FGF12: variants seen among roughly 807,000 people sequenced by gnomAD.
The protein encoded by FGF12 is fibroblast growth factor 12B.
FGF12 carries 14 observed loss-of-function variants against 23.6 expected under a neutral mutation model. The observed-to-expected ratio is 0.59, with a 90% CI of 0.39 to 0.93. The LOEUF (loss-of-function observed/expected upper bound fraction) is 0.93. Among genes scored for constraint, FGF12 ranks in the 40% least tolerant of loss-of-function variants. The probability of loss-of-function intolerance (pLI) is 0.00; values close to 1 mark genes in which losing one functional copy is unlikely to be tolerated. For synonymous variants in FGF12, 62 were observed against 77.3 expected (o/e 0.80, Z 1.04); for missense variants, 175 against 217.8 (o/e 0.80, Z 1.24).
chr3:192,492,671 CTTAA>C (rs1247114150), intron 2 of FGF12, among the ~76,000 whole-genome samples: 1 of 152,086 alleles, frequency 6.6e-6, no homozygotes, highest in Non-Finnish European at 1.5e-5. Context: ...TAGGACAAAG[CTTAA>C]TTAATTTTTA....
In FGF12 at chr3:192,561,502, A is replaced by G. The variant is rs181972410; in HGVS notation, c.13+165679T>C. ...CTCAGCCTTCTGAGTAGCTGGGACT[A>G]CAGGCACCCGCCACCACGCCCAGCT... On this transcript the variant is annotated intron_variant, in intron 2 of 5. Coordinates refer to ENST00000445105, the MANE Select transcript of FGF12 (RefSeq NM_004113.6). Among the ~76,000 whole-genome samples, 433 of 152,172 alleles carry G rather than the reference A, an allele frequency of 2.8e-3. 2 individuals carry two copies. Among genetic ancestry groups the G allele is most frequent in the African/African-American group, 9.8e-3 (408 of 41,522 alleles).
chr3:192,455,977 G>T (rs1420601372), intron 2 of FGF12, among the ~76,000 whole-genome samples: 3 of 152,132 alleles, frequency 2.0e-5, no homozygotes, highest in Non-Finnish European at 2.9e-5. Context: ...CCTTGCAGAG[G>T]TGGTCCCCTA....
At chr3:192,415,713 C>A (rs1409586948) in intron 2 of FGF12, among the ~76,000 whole-genome samples, 1 of 139,516 alleles carries the variant, frequency 7.2e-6, no homozygotes, top group Non-Finnish European at 1.5e-5. Flanking sequence ...AGTTCTGATA[C>A]TTCTCTTCTC....
intron 2 of FGF12, among the ~76,000 whole-genome samples, chr3:192,438,019 T>G (rs573077237): frequency 6.6e-6 from 1 of 152,318 alleles, no homozygotes; most frequent in African/African-American, 2.4e-5. Flanking sequence ...GAATCCAACT[T>G]TTTTCCTCGA....
chr3:192,522,866 C>T (rs913572873), intron 2 of FGF12, among the ~76,000 whole-genome samples: 1 of 152,102 alleles, frequency 6.6e-6, no homozygotes, highest in African/African-American at 2.4e-5. Context: ...TAAGAATGTG[C>T]ATACGTTCAC....
intron 4 of FGF12, among the ~76,000 whole-genome samples, chr3:192,205,883 T>C (rs1403660244): frequency 6.6e-6 from 1 of 152,178 alleles, no homozygotes; most frequent in African/African-American, 2.4e-5. Context: ...GGATTCCGCA[T>C]GGCTATGCAT....
At chr3:192,199,987 C>A (rs28369485) in intron 4 of FGF12, among the ~76,000 whole-genome samples, 2,770 of 152,052 alleles carry the variant, frequency 0.018, 92 homozygotes, top group African/African-American at 0.064. Flanking sequence ...TCCCTGGCTC[C>A]AGGAAACAGA....
chr3:192,233,209 G>A (rs1295570598), intron 4 of FGF12, among the ~76,000 whole-genome samples: 3 of 152,096 alleles, frequency 2.0e-5, no homozygotes, highest in Non-Finnish European at 1.5e-5. Context: ...AACCCCACCA[G>A]CATCTGTTAT....
intron 4 of FGF12, among the ~76,000 whole-genome samples, chr3:192,302,557 A>G (rs2030513): frequency 0.32 from 48,070 of 152,012 alleles, 10,696 homozygotes; most frequent in African/African-American, 0.62. Flanking sequence ...GTTTACTAAG[A>G]CCAGGCACGG....
intron 4 of FGF12, among the ~76,000 whole-genome samples, chr3:192,227,487 T>G (rs1269838053): frequency 1.3e-5 from 2 of 149,592 alleles, no homozygotes; most frequent in East Asian, 3.9e-4. Flanking sequence ...TTTATCTGAC[T>G]AATGGAATAT....
At chr3:192,357,661 C>A (rs1398749260) in intron 3 of FGF12, among the ~76,000 whole-genome samples, 1 of 152,030 alleles carries the variant, frequency 6.6e-6, no homozygotes, top group Non-Finnish European at 1.5e-5. Flanking sequence ...TGAGTGCTTA[C>A]TATGTATTAC....
At chr3:192,444,984 G>A (rs1722308926) in intron 2 of FGF12, among the ~76,000 whole-genome samples, 1 of 152,136 alleles carries the variant, frequency 6.6e-6, no homozygotes, top group Non-Finnish European at 1.5e-5. Context: ...AAAGAAAAAA[G>A]AGCACTAATT....
chr3:192,349,209 C>T (rs1246419037), intron 3 of FGF12, among the ~76,000 whole-genome samples: 2 of 152,052 alleles, frequency 1.3e-5, no homozygotes, highest in African/African-American at 4.8e-5. Context: ...CAAATCTATA[C>T]AACCTTGCAA....
chr3:192,659,747 G>C (rs1197872885), intron 2 of FGF12, among the ~76,000 whole-genome samples: 2 of 152,124 alleles, frequency 1.3e-5, no homozygotes, highest in Non-Finnish European at 2.9e-5. Context: ...GGTTGAACTA[G>C]TTTACAGTCC....
At chr3:192,539,559 T>G (rs779379935) in intron 2 of FGF12, among the ~76,000 whole-genome samples, 1 of 152,216 alleles carries the variant, frequency 6.6e-6, no homozygotes, top group Non-Finnish European at 1.5e-5. Context: ...AGTATTTTGT[T>G]GATGGTTTTT....
At chr3:192,550,976 C>T (rs1711513053) in intron 2 of FGF12, among the ~76,000 whole-genome samples, 1 of 152,066 alleles carries the variant, frequency 6.6e-6, no homozygotes, top group African/African-American at 2.4e-5. Flanking sequence ...GTCAGGAACC[C>T]TAGGAATAGA....
chr3:192,465,295 TCCAAAAATC>T (rs909740473), intron 2 of FGF12, among the ~76,000 whole-genome samples: 1 of 152,212 alleles, frequency 6.6e-6, no homozygotes, highest in African/African-American at 2.4e-5. Context: ...TTAAATTTCT[TCCAAAAATC>T]CCAAATTCCG....
intron 4 of FGF12, among the ~76,000 whole-genome samples, chr3:192,279,142 T>A (rs1306666403): frequency 1.3e-5 from 2 of 151,800 alleles, no homozygotes; most frequent in African/African-American, 4.9e-5. Flanking sequence ...AAATTTTTCT[T>A]ATGCATAAAT....
intron 2 of FGF12, chr3:192,516,494 G>C (rs1174791662): frequency 1.3e-5 from 2 of 152,196 alleles, no homozygotes; most frequent in Non-Finnish European, 2.9e-5. Context: ...AAACATTCGC[G>C]GTTCCACTGG....
Sources: allele counts gnomAD v4.1 joint callset (sites outside exome capture counted in the v4.1 genomes callset), GRCh38; gene constraint gnomAD v4.1.1; transcripts MANE v1.5; gene names NCBI Gene and HGNC (gene_info 2026-07-23, HGNC 2026-07-21).